The following SLC44A5 variants were observed in gnomAD, a reference collection of about 807,000 sequenced individuals.
SLC44A5 encodes solute carrier family 44 member 5.
In SLC44A5, 57 loss-of-function variants were observed where a neutral mutation model predicts 101.8. The ratio of observed to expected loss-of-function variants is 0.56; its 90% CI spans 0.45 to 0.70. The LOEUF is 0.70. Ranked by LOEUF, SLC44A5 falls within the 30% of genes least tolerant of loss-of-function variation. SLC44A5 has a pLI of 0.00. For missense variants in SLC44A5, 737 were observed against 853.1 expected (o/e 0.86, Z 1.70); for synonymous variants, 281 against 290.9 (o/e 0.97, Z 0.35).
chr1:75,529,540 A>G lies in SLC44A5; in HGVS notation c.13+11895T>C, dbSNP rs145499691. Reference sequence around the variant, plus strand: ...ATCTCCCACAATTTTTAGCCTGACAATAGGATGGATTAAGCATTTTAGAAG... The same window carrying G: ...ATCTCCCACAATTTTTAGCCTGACAGTAGGATGGATTAAGCATTTTAGAAG... On this transcript the variant is annotated intron_variant, in intron 2 of 23. Transcript: ENST00000370859. Among the ~76,000 whole-genome samples, 421 of 152,286 alleles carry G rather than the reference A, an allele frequency of 2.8e-3. 4 individuals are homozygous for G. Among genetic ancestry groups the G allele is most frequent in the African/African-American group, 9.3e-3 (387 of 41,566 alleles).
intron 6 of SLC44A5, among the ~76,000 whole-genome samples, chr1:75,254,040 C>A (rs1166872105): frequency 6.6e-6 from 1 of 151,828 alleles, no homozygotes; most frequent in Non-Finnish European, 1.5e-5. Context: ...CAGGGGACCA[C>A]AACTTTTTTT....
the SLC44A5 span, among the ~76,000 whole-genome samples, chr1:75,681,065 G>A: frequency 1.3e-5 from 2 of 151,432 alleles, no homozygotes; most frequent in Non-Finnish European, 2.9e-5. Flanking sequence ...AAACCAGGAA[G>A]AAGTTGAATC....
the SLC44A5 span, among the ~76,000 whole-genome samples, chr1:75,632,154 C>A: frequency 8.5e-5 from 13 of 152,274 alleles, no homozygotes; most frequent in East Asian, 2.5e-3. Flanking sequence ...CCATTATTTT[C>A]TCCGTGTCTC....
the SLC44A5 span, chr1:75,641,916 T>C: frequency 1.2e-6 from 2 of 1,605,428 alleles, no homozygotes; most frequent in Non-Finnish European, 1.7e-6. Flanking sequence ...TTCATTGGTT[T>C]GGATTTGGAT....
rs911139907 is a variant in SLC44A5, at chr1:75,223,164, C to G, written c.986-704G>C. 2.6e-4 allele frequency among the ~76,000 whole-genome samples: 39 copies of G among 152,170 alleles called. 1 individual carries two copies. The highest frequency in any genetic ancestry group is 1.5e-5 in the Non-Finnish European group (1 of 68,030). On this transcript the variant is annotated intron_variant, in intron 13 of 23. Transcript: ENST00000370859. ...TAAAGTATAGTTGTATAAAGAAAGA[C>G]AGCAAGGAGAGGAAATCTTGGGTTC...
At chr1:75,679,478 A>G in the SLC44A5 span, among the ~76,000 whole-genome samples, 1 of 152,114 alleles carries the variant, frequency 6.6e-6, no homozygotes, top group Non-Finnish European at 1.5e-5. Context: ...AAAGAAAAGA[A>G]TTTTCAACCC....
chr1:75,566,771 C>G (rs531913007), intron 1 of SLC44A5, among the ~76,000 whole-genome samples: 1 of 152,256 alleles, frequency 6.6e-6, no homozygotes, highest in East Asian at 1.9e-4. Context: ...TTTACATGCT[C>G]TAAAAGTAAT....
chr1:75,216,028 CTGAG>C (rs1212893245), intron 18 of SLC44A5, among the ~76,000 whole-genome samples, 171 bp from the exon 19 acceptor site: 2 of 151,988 alleles, frequency 1.3e-5, no homozygotes, highest in Non-Finnish European at 2.9e-5. Context: ...TTCAGTGGCA[CTGAG>C]TAATTTATAA....
intron 1 of SLC44A5, among the ~76,000 whole-genome samples, chr1:75,577,420 C>T (rs913935441): frequency 2.0e-5 from 3 of 152,238 alleles, no homozygotes; most frequent in Non-Finnish European, 4.4e-5. Context: ...CTGAAACAAA[C>T]ATGCGAAGCA....
At chr1:75,460,924 C>T (rs1290244185) in intron 2 of SLC44A5, among the ~76,000 whole-genome samples, 3 of 151,880 alleles carry the variant, frequency 2.0e-5, no homozygotes, top group East Asian at 1.9e-4. Context: ...TCCATTCTTA[C>T]ATAATTCATC....
chr1:75,711,284 C>A, the SLC44A5 span, among the ~76,000 whole-genome samples: 1 of 152,244 alleles, frequency 6.6e-6, no homozygotes, highest in South Asian at 2.1e-4. Flanking sequence ...CTACACAGGG[C>A]AAATTCCCAT....
At chr1:75,698,813 C>T in the SLC44A5 span, among the ~76,000 whole-genome samples, 2,941 of 152,208 alleles carry the variant, frequency 0.019, 92 homozygotes, top group African/African-American at 0.068. Flanking sequence ...CTTAAAGGAG[C>T]TGATGGAGCT....
At chr1:75,483,259 T>G (rs1310442875) in intron 2 of SLC44A5, among the ~76,000 whole-genome samples, 1 of 152,186 alleles carries the variant, frequency 6.6e-6, no homozygotes, top group Non-Finnish European at 1.5e-5. Context: ...TTAGATGTGG[T>G]AAAGAGGTGA....
At chr1:75,636,191 T>G in the SLC44A5 span, among the ~76,000 whole-genome samples, 1 of 152,072 alleles carries the variant, frequency 6.6e-6, no homozygotes, top group Non-Finnish European at 1.5e-5. Context: ...GTGTCTGGCT[T>G]GTGAAACTTA....
intron 2 of SLC44A5, among the ~76,000 whole-genome samples, chr1:75,506,783 T>G (rs376787775): frequency 6.6e-6 from 1 of 152,064 alleles, no homozygotes; most frequent in African/African-American, 2.4e-5. Flanking sequence ...TAAAGAGAGA[T>G]AATTTGACTT....
chr1:75,671,781 A>G, the SLC44A5 span, among the ~76,000 whole-genome samples: 32 of 152,252 alleles, frequency 2.1e-4, no homozygotes, highest in African/African-American at 6.8e-4. Flanking sequence ...AAAGGACAAT[A>G]GAAAAAGCTG....
intron 23 of SLC44A5, among the ~76,000 whole-genome samples, chr1:75,210,070 A>G (rs1646823539): frequency 6.6e-6 from 1 of 151,300 alleles, no homozygotes; most frequent in African/African-American, 2.4e-5. Flanking sequence ...TCTCAGAGCC[A>G]GGATCTTGCT....
intron 2 of SLC44A5, among the ~76,000 whole-genome samples, chr1:75,532,205 CCT>C (rs1670757642): frequency 6.6e-6 from 1 of 152,130 alleles, no homozygotes; most frequent in Non-Finnish European, 1.5e-5. Flanking sequence ...ACTGCTGATA[CCT>C]CTTTCAATGA....
At chr1:75,359,105 C>T (rs1323259648) in intron 3 of SLC44A5, among the ~76,000 whole-genome samples, 4 of 150,172 alleles carry the variant, frequency 2.7e-5, no homozygotes, top group Non-Finnish European at 5.9e-5. Context: ...CTTTTTGTGC[C>T]TAGGCATATT....
Sources: allele counts gnomAD v4.1 joint callset (sites outside exome capture counted in the v4.1 genomes callset), GRCh38; gene constraint gnomAD v4.1.1; transcripts MANE v1.5; gene names NCBI Gene and HGNC (gene_info 2026-07-23, HGNC 2026-07-21).